POLA1: variants seen among roughly 807,000 people sequenced by gnomAD.
The protein encoded by POLA1 is DNA polymerase alpha 1, catalytic subunit.
A neutral mutation model predicts 124.0 loss-of-function variants in POLA1; 15 were observed. The observed-to-expected ratio is 0.12, with a 90% CI of 0.08 to 0.19. POLA1 has a LOEUF of 0.19. Among genes scored for constraint, POLA1 ranks in the 10% least tolerant of loss-of-function variants. The probability of loss-of-function intolerance (pLI) is 1.00; values close to 1 mark genes in which losing one functional copy is unlikely to be tolerated. For synonymous variants in POLA1, 408 were observed against 389.4 expected, an observed-to-expected ratio of 1.05 and a Z score of -0.56; for missense variants, 886 against 1,103.4, an observed-to-expected ratio of 0.80 and a Z score of 2.79.
Position 24,907,272 on chromosome X carries a change from G to A in POLA1, c.4164+19150G>A, listed in dbSNP as rs781434355. 4.5e-5 allele frequency among the ~76,000 whole-genome samples: 5 copies of A among 110,769 alleles called. No individual in the cohort carries two copies. The Admixed American group carries it at 4.8e-4, about 11-fold the overall frequency. Reference sequence around the variant, plus strand: ...GAAAAAGGAGCCTTGGGGACCTGCGGAACAATAACAGAAAAATCTGACAGT... The same window carrying A: ...GAAAAAGGAGCCTTGGGGACCTGCGAAACAATAACAGAAAAATCTGACAGT... On this transcript the variant is annotated intron_variant, in intron 35 of 36. Transcript: ENST00000379068.
intron 36 of POLA1, among the ~76,000 whole-genome samples, chrX:24,952,722 T>C (rs2048062582): frequency 8.9e-6 from 1 of 112,389 alleles, no homozygotes; most frequent in African/African-American, 3.2e-5. Context: ...TTTGTTGTCT[T>C]TGGATCTTTG....
intron 34 of POLA1, among the ~76,000 whole-genome samples, chrX:24,845,027 C>T (rs1322317500): frequency 8.9e-6 from 1 of 111,770 alleles, no homozygotes; most frequent in African/African-American, 3.2e-5. Flanking sequence ...TTATCTATTT[C>T]CTTCTTTAAG....
intron 4 of POLA1, among the ~76,000 whole-genome samples, chrX:24,709,401 A>C (rs1321117832): frequency 5.4e-5 from 3 of 55,977 alleles, no homozygotes; most frequent in East Asian, 7.4e-4. Flanking sequence ...TGACCCCCCC[A>C]CCTCCCTCCC....
chrX:24,742,113 C>G lies in POLA1; in HGVS notation c.2458C>G (p.Gln820Glu). The G allele has an allele frequency of 8.4e-7, 1 of 1,193,501 alleles. No homozygotes were observed. Among genetic ancestry groups the G allele is most frequent in the East Asian group, 3.1e-5 (1 of 32,673 alleles). ...CAAGCAGATTTTCAGAAAGCCTCAG[C>G]AAAAACTGGTGGGTCCAAAACTGTG... ...PDKQIFRKPQ[Q>E]KLGDEDEEID... Residue 820 changes from glutamine to glutamate, a missense_variant, in exon 22 of 37, where the codon CAA (glutamine) becomes GAA (glutamate). Physicochemically the swap from Gln to Glu is conservative, Grantham distance 29 (BLOSUM62 2). Coordinates refer to ENST00000379068, the MANE Select transcript of POLA1 (RefSeq NM_001330360.2).
chrX:24,810,544 C>T (rs1473794772), intron 27 of POLA1, among the ~76,000 whole-genome samples, 164 bp from the exon 28 acceptor site: 1 of 111,593 alleles, frequency 9.0e-6, no homozygotes, highest in Non-Finnish European at 1.9e-5. Context: ...TTTATAGGGG[C>T]TTAATCTTTA....
chrX:24,838,416 C>T (rs1174545568), intron 32 of POLA1, among the ~76,000 whole-genome samples: 3 of 112,035 alleles, frequency 2.7e-5, no homozygotes, highest in African/African-American at 9.7e-5. Flanking sequence ...TGCTCTTCCT[C>T]CAGATAACTA....
chrX:24,947,379 C>T (rs769636492), intron 36 of POLA1, among the ~76,000 whole-genome samples: 3 of 102,257 alleles, frequency 2.9e-5, no homozygotes, highest in Non-Finnish European at 5.9e-5. Context: ...GTGACCCTCC[C>T]ACTTAAGCCT....
chrX:24,738,219 C>CAAAAAA (rs755084911), intron 19 of POLA1, among the ~76,000 whole-genome samples: 1 of 11,241 alleles, frequency 8.9e-5, no homozygotes. Context: ...GACTCCGTCT[C>CAAAAAA]AAAAAAAAAA....
At chrX:24,929,035 A>G (rs1220665156) in intron 35 of POLA1, among the ~76,000 whole-genome samples, 1 of 111,827 alleles carries the variant, frequency 8.9e-6, no homozygotes, top group Non-Finnish European at 1.9e-5. Flanking sequence ...ATGGCCAAAG[A>G]AGTATAAAAT....
chrX:24,792,656 CAAG>C (rs2045523303), intron 26 of POLA1, among the ~76,000 whole-genome samples: 1 of 111,984 alleles, frequency 8.9e-6, no homozygotes, highest in South Asian at 3.8e-4. Flanking sequence ...TTCCAACTGT[CAAG>C]AAATTATTTT....
At chrX:24,954,920 T>C (rs2048089518) in intron 36 of POLA1, among the ~76,000 whole-genome samples, 1 of 111,620 alleles carries the variant, frequency 9.0e-6, no homozygotes, top group African/African-American at 3.3e-5. Context: ...CACAGCTACT[T>C]GAGCCCTAGT....
intron 30 of POLA1, 64 bp downstream of exon 30, chrX:24,815,175 T>C: frequency 1.0e-6 from 1 of 990,407 alleles, no homozygotes; most frequent in African/African-American, 1.9e-5. Flanking sequence ...CTTCAGATAG[T>C]TGAAGAACCA....
chrX:24,981,870 TG>T (rs2048424317), intron 36 of POLA1, among the ~76,000 whole-genome samples: 1 of 112,517 alleles, frequency 8.9e-6, no homozygotes, highest in African/African-American at 3.2e-5. Flanking sequence ...ATTTTGCTTT[TG>T]TTTTGTTCTG....
intron 35 of POLA1, among the ~76,000 whole-genome samples, chrX:24,901,013 G>A (rs2047270697): frequency 8.9e-6 from 1 of 111,920 alleles, no homozygotes; most frequent in African/African-American, 3.3e-5. Flanking sequence ...AATTCATTCA[G>A]AATTTAGTGA....
chrX:24,787,344 C>A (rs1477531408), intron 26 of POLA1, among the ~76,000 whole-genome samples: 3 of 111,450 alleles, frequency 2.7e-5, no homozygotes, highest in African/African-American at 9.8e-5. Flanking sequence ...TTTATGGTTT[C>A]CAGTCTTACA....
chrX:24,800,072 C>T (rs1023269904), intron 26 of POLA1, among the ~76,000 whole-genome samples: 2 of 111,694 alleles, frequency 1.8e-5, no homozygotes, highest in Non-Finnish European at 3.8e-5. Context: ...AGCCAAATCT[C>T]TGAGCCTTTT....
At chrX:24,950,278 C>G (rs1044517003) in intron 36 of POLA1, among the ~76,000 whole-genome samples, 4 of 112,099 alleles carry the variant, frequency 3.6e-5, no homozygotes, top group Non-Finnish European at 5.6e-5. Context: ...TGTTCTGTAT[C>G]TGTGCTGTCC....
intron 35 of POLA1, among the ~76,000 whole-genome samples, chrX:24,919,828 T>C (rs2047588619): frequency 1.1e-5 from 1 of 93,608 alleles, no homozygotes; most frequent in Non-Finnish European, 2.0e-5. Flanking sequence ...TTGTTTTTTT[T>C]TTTGTTTTGT....
intron 1 of POLA1, among the ~76,000 whole-genome samples, chrX:24,698,634 TG>T (rs201709405): frequency 9.0e-6 from 1 of 111,531 alleles, no homozygotes; most frequent in Admixed American, 9.6e-5. Flanking sequence ...TATCTTTTTT[TG>T]TTGTTGTTGT....
Sources: allele counts gnomAD v4.1 joint callset (sites outside exome capture counted in the v4.1 genomes callset), GRCh38; gene constraint gnomAD v4.1.1; transcripts MANE v1.5; gene names NCBI Gene and HGNC (gene_info 2026-07-23, HGNC 2026-07-21).